Variants in DIS3L2 observed in about 807,000 individuals in gnomAD.
The protein encoded by DIS3L2 is DIS3 like 3'-5' exoribonuclease 2.
In DIS3L2, 34 loss-of-function variants were observed where a neutral mutation model predicts 97.5. The observed-to-expected ratio is 0.35, with a 90% CI of 0.27 to 0.46. The LOEUF (loss-of-function observed/expected upper bound fraction) is 0.46, where lower values mean the gene tolerates loss of function less well. Ranked by LOEUF, DIS3L2 falls within the 20% of genes least tolerant of loss-of-function variation. The pLI is 1.00. For missense variants in DIS3L2, 1,038 were observed against 1,146.0 expected (o/e 0.91, Z 1.36); for synonymous variants, 435 against 445.2 (o/e 0.98, Z 0.29).
chr2:232,318,009 T>C (rs1695324469), intron 14 of DIS3L2, among the ~76,000 whole-genome samples: 2 of 152,056 alleles, frequency 1.3e-5, no homozygotes. Flanking sequence ...GCCCTACCTT[T>C]CCCCCCTGAC....
At chr2:232,306,866 C>G (rs1694998490) in intron 14 of DIS3L2, among the ~76,000 whole-genome samples, 1 of 152,262 alleles carries the variant, frequency 6.6e-6, no homozygotes, top group Admixed American at 6.5e-5. Context: ...ACCCTACATG[C>G]TGTCTGTACC....
chr2:232,047,114 C>T (rs1695263571), intron 5 of DIS3L2, among the ~76,000 whole-genome samples: 1 of 152,196 alleles, frequency 6.6e-6, no homozygotes, highest in Non-Finnish European at 1.5e-5. Context: ...TAGTTTTCAG[C>T]ATGTTTTGAA....
chr2:232,058,115 A>C (rs1695597768), intron 5 of DIS3L2, among the ~76,000 whole-genome samples: 1 of 152,214 alleles, frequency 6.6e-6, no homozygotes, highest in Admixed American at 6.5e-5. Flanking sequence ...TTCTTCCCAT[A>C]AGTGAACTCA....
intron 6 of DIS3L2, among the ~76,000 whole-genome samples, chr2:232,109,808 A>G (rs2106331138): frequency 6.6e-6 from 1 of 152,348 alleles, no homozygotes; most frequent in Non-Finnish European, 1.5e-5. Flanking sequence ...AGGTACCAGC[A>G]ATGATTTCAT....
chr2:232,301,371 T>C (rs1438327963), intron 14 of DIS3L2, among the ~76,000 whole-genome samples: 1 of 152,234 alleles, frequency 6.6e-6, no homozygotes, highest in East Asian at 1.9e-4. Context: ...TACTCTGGTC[T>C]CATTGTCTAA....
chr2:232,142,432 G>T (rs139645709), intron 8 of DIS3L2, among the ~76,000 whole-genome samples: 2 of 152,080 alleles, frequency 1.3e-5, no homozygotes, highest in Non-Finnish European at 2.9e-5. Context: ...TTCCAAAGTC[G>T]CCATCTTCAA....
intron 9 of DIS3L2, among the ~76,000 whole-genome samples, chr2:232,169,796 G>T (rs1323139427): frequency 3.3e-5 from 5 of 152,170 alleles, no homozygotes; most frequent in African/African-American, 1.2e-4. Flanking sequence ...ATTTGGAACA[G>T]AAAAGTTCCA....
At chr2:231,968,520 G>C (rs1219544571) in intron 1 of DIS3L2, among the ~76,000 whole-genome samples, 1 of 152,182 alleles carries the variant, frequency 6.6e-6, no homozygotes, top group African/African-American at 2.4e-5. Flanking sequence ...AGTCATCCCT[G>C]TTGTTAAGTG....
rs373728819 is a variant in DIS3L2 at position 232,024,350 on chromosome 2, A to G, written c.264+20A>G. ...TCCCCGGTAAGTTCAATAAATTTAT[A>G]ATAAACTTTATGTCACATTTAATTT... On this transcript the variant is annotated intron_variant, in intron 4 of 20. Coordinates refer to ENST00000325385, the MANE Select transcript of DIS3L2 (RefSeq NM_152383.5). 21 of 1,561,750 alleles carry G rather than the reference A, an allele frequency of 1.3e-5. No individual in the cohort carries two copies. The highest frequency in any genetic ancestry group is 1.7e-5 in the Non-Finnish European group (20 of 1,142,934).
chr2:232,046,905 G>A (rs1179976680), intron 5 of DIS3L2, among the ~76,000 whole-genome samples: 1 of 152,082 alleles, frequency 6.6e-6, no homozygotes, highest in African/African-American at 2.4e-5. Context: ...TCCTGCCTTG[G>A]CTTCCCAAAA....
chr2:232,179,870 T>C (rs1203305255), intron 9 of DIS3L2, among the ~76,000 whole-genome samples: 1 of 123,420 alleles, frequency 8.1e-6, no homozygotes, highest in Non-Finnish European at 1.5e-5. Context: ...ATGTGTTTGC[T>C]CTTGCTTTTC....
At chr2:232,101,703 A>G (rs532121736) in intron 6 of DIS3L2, among the ~76,000 whole-genome samples, 18 of 152,246 alleles carry the variant, frequency 1.2e-4, no homozygotes, top group Non-Finnish European at 2.4e-4. Flanking sequence ...GGTATTTTGA[A>G]AGAGCTCTTT....
intron 6 of DIS3L2, among the ~76,000 whole-genome samples, chr2:232,119,596 AT>A (rs1697832691): frequency 6.6e-6 from 1 of 152,222 alleles, no homozygotes; most frequent in Non-Finnish European, 1.5e-5. Context: ...CAGTAGAGAA[AT>A]TTAAAAGTGG....
intron 5 of DIS3L2, among the ~76,000 whole-genome samples, chr2:232,085,436 G>A (rs910400647): frequency 6.6e-6 from 1 of 152,136 alleles, no homozygotes; most frequent in African/African-American, 2.4e-5. Context: ...CCTGGCACGA[G>A]GTGGGCATTC....
At chr2:232,245,691 C>T (rs1350173773) in intron 11 of DIS3L2, among the ~76,000 whole-genome samples, 1 of 148,004 alleles carries the variant, frequency 6.8e-6, no homozygotes, top group South Asian at 2.4e-4. Flanking sequence ...TAAAGTTCAG[C>T]TTTTTCATGA....
At chr2:231,972,896 C>T (rs942627002) in intron 1 of DIS3L2, among the ~76,000 whole-genome samples, 2 of 152,074 alleles carry the variant, frequency 1.3e-5, no homozygotes, top group African/African-American at 4.8e-5. Context: ...CTGCCATATT[C>T]TTATTCTATT....
intron 1 of DIS3L2, among the ~76,000 whole-genome samples, chr2:231,998,762 CCATTGTT>C (rs1693796311): frequency 6.6e-6 from 1 of 152,084 alleles, no homozygotes; most frequent in Non-Finnish European, 1.5e-5. Context: ...TTTTCTAATT[CCATTGTT>C]TTTTCTAGAT....
intron 11 of DIS3L2, among the ~76,000 whole-genome samples, chr2:232,239,070 C>A (rs1426613763): frequency 6.6e-6 from 1 of 152,216 alleles, no homozygotes; most frequent in Non-Finnish European, 1.5e-5. Flanking sequence ...GGGAGCCAAT[C>A]TGGTCCTGAC....
intron 9 of DIS3L2, among the ~76,000 whole-genome samples, chr2:232,175,516 A>G (rs1401754125): frequency 1.3e-5 from 2 of 152,218 alleles, no homozygotes; most frequent in African/African-American, 4.8e-5. Flanking sequence ...CTGGCCTCAT[A>G]GAATGAGTTT....
Sources: allele counts gnomAD v4.1 joint callset (sites outside exome capture counted in the v4.1 genomes callset), GRCh38; gene constraint gnomAD v4.1.1; transcripts MANE v1.5; gene names NCBI Gene and HGNC (gene_info 2026-07-23, HGNC 2026-07-21).